CACNB2: variants seen among roughly 807,000 people sequenced by gnomAD.
CACNB2 encodes the protein calcium voltage-gated channel auxiliary subunit beta 2.
A neutral mutation model predicts 73.3 loss-of-function variants in CACNB2; 42 were observed. That is an observed-to-expected ratio of 0.57 (90% CI 0.45 to 0.74). The LOEUF is 0.74. Among genes scored for constraint, CACNB2 ranks in the 30% least tolerant of loss-of-function variants. The pLI is 0.00. For synonymous variants in CACNB2, 348 were observed against 310.3 expected (o/e 1.12, Z -1.28); for missense variants, 940 against 853.0 (o/e 1.10, Z -1.27).
chr10:18,485,803 G>A (rs533685870), intron 3 of CACNB2, among the ~76,000 whole-genome samples: 9 of 151,586 alleles, frequency 5.9e-5, no homozygotes, highest in South Asian at 4.2e-4. Context: ...GGCTGCTCTC[G>A]AACTCCTGAC....
intron 1 of CACNB2, among the ~76,000 whole-genome samples, chr10:18,141,911 C>T (rs898886312): frequency 6.6e-6 from 1 of 152,128 alleles, no homozygotes; most frequent in Admixed American, 6.5e-5. Context: ...CCTACATTTG[C>T]CAGATTTTAA....
chr10:18,327,929 T>G (rs1012187085), intron 2 of CACNB2, among the ~76,000 whole-genome samples: 4 of 152,178 alleles, frequency 2.6e-5, no homozygotes, highest in African/African-American at 9.6e-5. Context: ...GTCAAATGCC[T>G]GAGGAAAGGC....
intron 2 of CACNB2, among the ~76,000 whole-genome samples, chr10:18,224,685 A>T (rs931431810): frequency 9.2e-5 from 14 of 152,182 alleles, no homozygotes; most frequent in African/African-American, 3.1e-4. Context: ...CAGAAGGCCT[A>T]CGTCCCACAA....
At chr10:18,425,331 A>G (rs577727700) in intron 3 of CACNB2, among the ~76,000 whole-genome samples, 2 of 152,146 alleles carry the variant, frequency 1.3e-5, no homozygotes, top group Non-Finnish European at 2.9e-5. Context: ...CGATGTATCT[A>G]TCTTTTCTGT....
At chr10:18,363,926 A>T (rs1385256805) in intron 2 of CACNB2, among the ~76,000 whole-genome samples, 1 of 151,438 alleles carries the variant, frequency 6.6e-6, no homozygotes, top group Non-Finnish European at 1.5e-5. Context: ...TGTTGCGAAT[A>T]GTAGGGTCTT....
intron 2 of CACNB2, among the ~76,000 whole-genome samples, chr10:18,184,678 G>GTGT (rs2034065527): frequency 4.0e-5 from 3 of 74,982 alleles, no homozygotes; most frequent in Non-Finnish European, 7.9e-5. Flanking sequence ...TTTTTTTTCA[G>GTGT]TGTTGTGTAT....
At chr10:18,265,163 T>C (rs2037737334) in intron 2 of CACNB2, among the ~76,000 whole-genome samples, 1 of 150,498 alleles carries the variant, frequency 6.6e-6, no homozygotes, top group South Asian at 2.1e-4. Context: ...TTTTTTTTTT[T>C]TTTTTGAGAT....
chr10:18,222,600 C>T (rs2035837860), intron 2 of CACNB2, among the ~76,000 whole-genome samples: 1 of 152,130 alleles, frequency 6.6e-6, no homozygotes, highest in South Asian at 2.1e-4. Flanking sequence ...TCATGGATGA[C>T]ATGCAAAAAC....
At chr10:18,277,704 A>C (rs558865484) in intron 2 of CACNB2, among the ~76,000 whole-genome samples, 9 of 152,224 alleles carry the variant, frequency 5.9e-5, no homozygotes, top group African/African-American at 2.2e-4. Flanking sequence ...TTTAATCAAT[A>C]TTTATTTAAT....
intron 13 of CACNB2, 122 bp downstream of exon 13, chr10:18,538,487 C>A: frequency 1.3e-6 from 1 of 792,258 alleles, no homozygotes; most frequent in Non-Finnish European, 2.1e-6. Context: ...TATATTAACT[C>A]AAAGCAAGTC....
intron 2 of CACNB2, among the ~76,000 whole-genome samples, chr10:18,273,568 A>G (rs1157497604): frequency 6.6e-6 from 1 of 152,194 alleles, no homozygotes; most frequent in Non-Finnish European, 1.5e-5. Flanking sequence ...CATTACATAA[A>G]TGGGGATTAT....
intron 2 of CACNB2, among the ~76,000 whole-genome samples, chr10:18,288,990 A>AG (rs1288146230): frequency 6.6e-6 from 1 of 152,160 alleles, no homozygotes; most frequent in Non-Finnish European, 1.5e-5. Context: ...GATTACAGTG[A>AG]GCCAAGATGG....
At chr10:18,248,963 A>G (rs1479918485) in intron 2 of CACNB2, among the ~76,000 whole-genome samples, 1 of 152,186 alleles carries the variant, frequency 6.6e-6, no homozygotes, top group East Asian at 1.9e-4. Flanking sequence ...CTGGAAGTTC[A>G]TGACCACAAA....
chr10:18,299,405 A>G (rs1441754917), intron 2 of CACNB2, among the ~76,000 whole-genome samples: 1 of 152,218 alleles, frequency 6.6e-6, no homozygotes, highest in Non-Finnish European at 1.5e-5. Flanking sequence ...TCAGAAATTC[A>G]GTGGAGAAGG....
At chr10:18,208,195 A>G (rs187010821) in intron 2 of CACNB2, among the ~76,000 whole-genome samples, 30 of 152,300 alleles carry the variant, frequency 2.0e-4, no homozygotes, top group Admixed American at 1.8e-3. Context: ...AGCTGGACAC[A>G]GTGGCTCATG....
chr10:18,208,679 C>A (rs1425488902), intron 2 of CACNB2, among the ~76,000 whole-genome samples: 1 of 151,884 alleles, frequency 6.6e-6, no homozygotes, highest in Non-Finnish European at 1.5e-5. Context: ...TTCCTTATTG[C>A]TTGTTCACCT....
At position 18,538,191 on chromosome 10, in the gene CACNB2, T is replaced by C. The variant is rs878855310; in HGVS notation, c.1314T>C (p.Asp438=). Residue 438 remains aspartate, a synonymous_variant, in exon 13 of 14, where the codon GAT becomes GAC. Transcript: ENST00000324631. ...KLAQCPPELF[D]VILDENQLED... ...GTCTGCCTCTGCAGGAGCTGTTCGATGTGATCTTGGATGAGAACCAGCTTG... is the reference window on the plus strand; with the variant it reads ...GTCTGCCTCTGCAGGAGCTGTTCGACGTGATCTTGGATGAGAACCAGCTTG... The C allele has an allele frequency of 5.0e-6, 8 of 1,614,050 alleles. No individual in the cohort carries two copies. The highest frequency in any genetic ancestry group is 1.1e-5 in the South Asian group (1 of 91,066).
rs769842666 is a variant in CACNB2, at chr10:18,319,711, TAAAC to T, written c.214-82208_214-82205del. Among the ~76,000 whole-genome samples the T allele has an allele frequency of 8.5e-5, 13 of 152,150 alleles. No individual in the cohort carries two copies. In the East Asian group the frequency reaches 9.7e-4, roughly 11 times the overall value. ...TTTTGTAACTGAGAAAGATAGTAAA[TAAAC>T]AAACCAAATAAACTGACAAATTAAG... On this transcript the variant is annotated intron_variant, in intron 2 of 13. Transcript: ENST00000324631.
chr10:18,303,286 T>C (rs1369999579), intron 2 of CACNB2, among the ~76,000 whole-genome samples: 4 of 152,270 alleles, frequency 2.6e-5, no homozygotes, highest in Middle Eastern at 3.4e-3. Context: ...GAGGATCACT[T>C]GAGCTGAGGA....
Sources: gnomAD v4.1 joint callset for allele counts (sites outside exome capture counted in the v4.1 genomes callset) on GRCh38, gnomAD v4.1.1 for gene constraint, MANE v1.5 for transcripts, NCBI Gene and HGNC (gene_info 2026-07-23, HGNC 2026-07-21) for gene names.